Variants in PDE1C observed in about 807,000 individuals in gnomAD.
PDE1C encodes dual specificity calcium/calmodulin-dependent 3',5'-cyclic nucleotide phosphodiesterase 1C.
Under a neutral mutation model 93.1 loss-of-function variants are expected in PDE1C, and 62 were observed. The observed-to-expected ratio is 0.67, with a 90% confidence interval of 0.54 to 0.82. The LOEUF (loss-of-function observed/expected upper bound fraction) is 0.82, where lower values mean the gene tolerates loss of function less well. PDE1C is among the 40% of genes least tolerant of loss of function. PDE1C has a pLI of 0.00. For missense variants in PDE1C, 742 were observed against 884.6 expected (o/e 0.84, Z 2.04); for synonymous variants, 325 against 310.1 (o/e 1.05, Z -0.50).
rs1015820709 is a variant in PDE1C at position 32,327,880 on chromosome 7, C to A, written c.310+99942G>T. ...TTCATCCATGTTGTTTGCACATAGA[C>A]ATAGTTCCGTTTTTCTCTGCTGAAT... On this transcript the variant is annotated intron_variant, in intron 1 of 1. Transcript: ENST00000672256. Among the ~76,000 whole-genome samples, 5 of 151,330 alleles carry A rather than the reference C, an allele frequency of 3.3e-5. No individual in the cohort carries two copies. In the East Asian group the frequency reaches 9.7e-4, roughly 29 times the overall value.
chr7:31,933,555 G>C (rs60271561), intron 2 of PDE1C, among the ~76,000 whole-genome samples: 4,573 of 152,252 alleles, frequency 0.03, 214 homozygotes, highest in African/African-American at 0.11. Flanking sequence ...AACAGTTTTA[G>C]GATGACACTT....
At chr7:32,169,575 A>G (rs1802516365) in intron 3 of PDE1C, among the ~76,000 whole-genome samples, 1 of 152,182 alleles carries the variant, frequency 6.6e-6, no homozygotes, top group Non-Finnish European at 1.5e-5. Flanking sequence ...TACCAACAGC[A>G]ACTTAACTAC....
chr7:31,947,109 T>C (rs1425129942), intron 2 of PDE1C, among the ~76,000 whole-genome samples: 1 of 152,204 alleles, frequency 6.6e-6, no homozygotes, highest in Non-Finnish European at 1.5e-5. Context: ...AGACATGGCC[T>C]GTGTCTTTCA....
At chr7:31,811,498 A>G (rs1484068801) in intron 15 of PDE1C, among the ~76,000 whole-genome samples, 2 of 152,122 alleles carry the variant, frequency 1.3e-5, no homozygotes, top group African/African-American at 4.8e-5. Context: ...GAAATCCTTC[A>G]GAGGTCCCAC....
chr7:32,093,320 C>T (rs1311047429), intron 3 of PDE1C, among the ~76,000 whole-genome samples: 1 of 152,238 alleles, frequency 6.6e-6, no homozygotes, highest in Non-Finnish European at 1.5e-5. Context: ...ACACCAGGAT[C>T]ACCTCTTCCA....
intron 3 of PDE1C, among the ~76,000 whole-genome samples, chr7:32,138,686 ACT>A (rs2128778349): frequency 6.6e-6 from 1 of 152,274 alleles, no homozygotes; most frequent in African/African-American, 2.4e-5. Flanking sequence ...ATTAATTAAA[ACT>A]CACTGCAAAT....
chr7:31,961,717 G>A lies in PDE1C; in HGVS notation c.129-80857C>T, dbSNP rs192523886. 1.1e-3 allele frequency among the ~76,000 whole-genome samples: 170 copies of A among 152,234 alleles called. 1 individual carries two copies. The highest frequency in any genetic ancestry group is 3.7e-3 in the African/African-American group (153 of 41,536). On this transcript the variant is annotated intron_variant, in intron 2 of 17. Coordinates refer to ENST00000396191, the MANE Select transcript of PDE1C (RefSeq NM_001191057.4). ...GATGTCTACAAACATACATACGTAT[G>A]TATAACATTCCATACTATACATTGT...
chr7:32,124,933 C>T (rs1418430220), intron 3 of PDE1C, among the ~76,000 whole-genome samples: 5 of 152,106 alleles, frequency 3.3e-5, no homozygotes, highest in Admixed American at 3.3e-4. Flanking sequence ...AGTAAACAGG[C>T]AACCTACAGA....
chr7:31,923,611 A>C (rs1307407558), intron 2 of PDE1C, among the ~76,000 whole-genome samples: 1 of 152,186 alleles, frequency 6.6e-6, no homozygotes. Flanking sequence ...TCAAGTGTTT[A>C]TGTCTGTGTC....
At chr7:31,796,254 T>C (rs1257148612) in intron 16 of PDE1C, among the ~76,000 whole-genome samples, 1 of 150,904 alleles carries the variant, frequency 6.6e-6, no homozygotes, top group Non-Finnish European at 1.5e-5. Context: ...AGATATATCA[T>C]ATTGTATCAT....
At chr7:32,188,808 A>T (rs998061303) in intron 2 of PDE1C, among the ~76,000 whole-genome samples, 4 of 152,110 alleles carry the variant, frequency 2.6e-5, no homozygotes, top group Non-Finnish European at 5.9e-5. Context: ...GTGCAAAAAA[A>T]CTCATAAAGA....
chr7:31,619,117 G>A, the PDE1C span, among the ~76,000 whole-genome samples: 1 of 152,112 alleles, frequency 6.6e-6, no homozygotes, highest in Non-Finnish European at 1.5e-5. Context: ...GTGTATATTA[G>A]TCACAACATT....
intron 1 of PDE1C, among the ~76,000 whole-genome samples, chr7:32,309,586 G>A (rs1477705849): frequency 6.6e-6 from 1 of 152,166 alleles, no homozygotes; most frequent in Non-Finnish European, 1.5e-5. Context: ...GGGAGTGGGG[G>A]CCAATATTCA....
intron 2 of PDE1C, among the ~76,000 whole-genome samples, chr7:31,985,061 T>C (rs1783187077): frequency 6.6e-6 from 1 of 152,064 alleles, no homozygotes; most frequent in Non-Finnish European, 1.5e-5. Context: ...AATTGACGCC[T>C]AAAGAACAAA....
intron 1 of PDE1C, among the ~76,000 whole-genome samples, chr7:32,411,631 A>G (rs1363116095): frequency 5.3e-5 from 8 of 152,228 alleles, no homozygotes; most frequent in Admixed American, 3.3e-4. Flanking sequence ...ACATTACTGT[A>G]TACTACTGTA....
intron 3 of PDE1C, among the ~76,000 whole-genome samples, chr7:32,142,499 T>C (rs1800597736): frequency 6.6e-6 from 1 of 152,162 alleles, no homozygotes; most frequent in African/African-American, 2.4e-5. Context: ...AATCCCACTT[T>C]CTTGTCCAGG....
intron 17 of PDE1C, 32 bp from the exon 18 acceptor site, chr7:31,753,585 G>A (rs764486655): frequency 6.3e-7 from 1 of 1,596,030 alleles, no homozygotes; most frequent in South Asian, 1.1e-5. Context: ...ACAGACAACG[G>A]TTAGCCTCAC....
intron 16 of PDE1C, among the ~76,000 whole-genome samples, chr7:31,792,336 A>T (rs1282793162): frequency 6.6e-6 from 1 of 152,144 alleles, no homozygotes; most frequent in Non-Finnish European, 1.5e-5. Flanking sequence ...GACACATAGC[A>T]TATGCTCAAC....
At chr7:31,621,833 C>T in the PDE1C span, among the ~76,000 whole-genome samples, 1 of 151,460 alleles carries the variant, frequency 6.6e-6, no homozygotes, top group South Asian at 2.1e-4. Context: ...AGAGTCAAGA[C>T]CCATCAGTGT....
Sources: gnomAD v4.1 joint callset for allele counts (sites outside exome capture counted in the v4.1 genomes callset) on GRCh38, gnomAD v4.1.1 for gene constraint, MANE v1.5 for transcripts, NCBI Gene and HGNC (gene_info 2026-07-23, HGNC 2026-07-21) for gene names.